Variants in NTN4 observed in about 807,000 individuals in gnomAD.
NTN4 encodes netrin-4.
A neutral mutation model predicts 73.6 loss-of-function variants in NTN4; 32 were observed. The observed-to-expected ratio is 0.44, with a 90% CI of 0.33 to 0.58. The LOEUF is 0.58. Among genes scored for constraint, NTN4 ranks in the 20% least tolerant of loss-of-function variants. The pLI is 0.04. For synonymous variants in NTN4, 258 were observed against 287.5 expected, an observed-to-expected ratio of 0.90 and a Z score of 1.04; for missense variants, 654 against 798.3, an observed-to-expected ratio of 0.82 and a Z score of 2.18.
chr12:95,728,498 C>G (rs2078711774), intron 3 of NTN4, among the ~76,000 whole-genome samples: 1 of 152,114 alleles, frequency 6.6e-6, no homozygotes, highest in African/African-American at 2.4e-5. Context: ...CCTTTTTATT[C>G]CTGGTGTGTT....
At chr12:95,700,951 C>T (rs760740490) in intron 5 of NTN4, among the ~76,000 whole-genome samples, 28 of 151,700 alleles carry the variant, frequency 1.8e-4, no homozygotes, top group Middle Eastern at 3.4e-3. Flanking sequence ...GTAGCTGGGA[C>T]TACAGGCGCC....
Position 95,752,836 on chromosome 12 carries a change from G to A in NTN4, c.586-14692C>T, listed in dbSNP as rs541481819. ...CAGCGGCTGCCGCTGCTTTAATACT[G>A]TTAGAGGCCCTAAAAATCACAAACT... On this transcript the variant is annotated intron_variant, in intron 2 of 9. Coordinates refer to ENST00000343702, the MANE Select transcript of NTN4 (RefSeq NM_021229.4). 4.8e-3 allele frequency among the ~76,000 whole-genome samples: 738 copies of A among 152,210 alleles called. 2 individuals are homozygous for A. The highest frequency in any genetic ancestry group is 7.6e-3 in the Non-Finnish European group (518 of 68,012).
chr12:95,710,785 C>T (rs2078559416), intron 4 of NTN4, among the ~76,000 whole-genome samples, 156 bp from the exon 5 acceptor site: 1 of 152,124 alleles, frequency 6.6e-6, no homozygotes, highest in Non-Finnish European at 1.5e-5. Context: ...AGGTGGATCA[C>T]CTGAGGCCAG....
Position 95,670,159 on chromosome 12 carries a change from A to T in NTN4, c.1511-13T>A, listed in dbSNP as rs373498064. On this transcript the variant is annotated splice_polypyrimidine_tract_variant and intron_variant, in intron 7 of 9. Transcript: ENST00000343702. ...CATTCGCATTTACCTATGGAAAGTA[A>T]ATTAAAAATGGTGTTAGTTATTAGA... The T allele has an allele frequency of 7.2e-6, 11 of 1,523,692 alleles. No homozygotes were observed. The highest frequency in any genetic ancestry group is 9.9e-6 in the Non-Finnish European group (11 of 1,114,386). The allele number at this position is 1,523,692 out of a possible 1,614,324, so 94.4% of individuals were successfully genotyped here.
chr12:95,667,327 A>T (rs2078189204), intron 8 of NTN4, among the ~76,000 whole-genome samples: 1 of 151,506 alleles, frequency 6.6e-6, no homozygotes, highest in Non-Finnish European at 1.5e-5. Context: ...AGTAGCTGGG[A>T]TTACAGGCCA....
intron 2 of NTN4, among the ~76,000 whole-genome samples, chr12:95,744,805 C>A (rs1051311172): frequency 3.4e-5 from 5 of 148,602 alleles, no homozygotes; most frequent in Non-Finnish European, 5.9e-5. Context: ...TGAAGGATTT[C>A]CTTCAATGCA....
intron 3 of NTN4, among the ~76,000 whole-genome samples, chr12:95,725,285 T>C (rs923712448): frequency 5.3e-5 from 8 of 152,120 alleles, no homozygotes; most frequent in African/African-American, 1.9e-4. Flanking sequence ...AAGTAGTGTT[T>C]GAGAATGAAG....
intron 2 of NTN4, among the ~76,000 whole-genome samples, chr12:95,757,585 G>A (rs191876035): frequency 2.0e-5 from 3 of 151,994 alleles, no homozygotes; most frequent in East Asian, 3.9e-4. Flanking sequence ...AGCCACGTGT[G>A]AGAGGCAAAG....
chr12:95,667,470 GCGT>G (rs1427393614), intron 8 of NTN4, among the ~76,000 whole-genome samples: 1 of 152,044 alleles, frequency 6.6e-6, no homozygotes, highest in Non-Finnish European at 1.5e-5. Context: ...TGCGAATACA[GCGT>G]CAGACAGCTA....
chr12:95,658,083 T>A lies in NTN4; in HGVS notation c.*1003A>T, dbSNP rs2078105622. 1 of 152,430 alleles carries A rather than the reference T, an allele frequency of 6.6e-6. No homozygotes were observed. Among genetic ancestry groups the A allele is most frequent in the African/African-American group, 2.4e-5 (1 of 41,452 alleles). 9.4% of individuals were successfully genotyped at this position (152,430 alleles called of 1,614,324 possible). A position where few individuals can be genotyped will look rare whatever the true frequency, so the allele number is the denominator to read the frequency against. ...AAAAACAGGTAAATATAATGACTATTACTGTTAAGAAAGACAAGGAGGAAA... is the reference window on the plus strand; with the variant it reads ...AAAAACAGGTAAATATAATGACTATAACTGTTAAGAAAGACAAGGAGGAAA... On this transcript the variant is annotated 3_prime_UTR_variant, in exon 10 of 10. Coordinates refer to ENST00000343702, the MANE Select transcript of NTN4 (RefSeq NM_021229.4).
intron 2 of NTN4, among the ~76,000 whole-genome samples, chr12:95,768,058 AGTT>A (rs1338915328): frequency 6.6e-6 from 1 of 152,210 alleles, no homozygotes. Context: ...AGCAATACAA[AGTT>A]GTTGTCAGTA....
At chr12:95,707,225 A>G (rs1436234501) in intron 5 of NTN4, among the ~76,000 whole-genome samples, 2 of 152,122 alleles carry the variant, frequency 1.3e-5, no homozygotes, top group Non-Finnish European at 2.9e-5. Flanking sequence ...TCATCAGTAC[A>G]TATTAGATTT....
At chr12:95,775,267 C>T (rs373989266) in intron 2 of NTN4, among the ~76,000 whole-genome samples, 7 of 152,170 alleles carry the variant, frequency 4.6e-5, no homozygotes, top group East Asian at 1.9e-4. Flanking sequence ...ACACAGAAGA[C>T]GGGTGATTTC....
intron 5 of NTN4, among the ~76,000 whole-genome samples, chr12:95,700,907 C>T (rs765193886): frequency 5.4e-5 from 8 of 148,708 alleles, no homozygotes; most frequent in Non-Finnish European, 1.0e-4. Context: ...TCTGCCTCCT[C>T]GGTTCAAGTG....
intron 2 of NTN4, among the ~76,000 whole-genome samples, chr12:95,753,401 T>C (rs1282559405): frequency 6.8e-6 from 1 of 147,394 alleles, no homozygotes; most frequent in African/African-American, 2.5e-5. Flanking sequence ...ACTCAACATG[T>C]CCCGAGTCAG....
At chr12:95,668,443 C>T (rs978969430) in intron 8 of NTN4, among the ~76,000 whole-genome samples, 1 of 146,058 alleles carries the variant, frequency 6.8e-6, no homozygotes, top group East Asian at 2.3e-4. Context: ...CTCTAAACTG[C>T]CTTTCCTTTA....
intron 5 of NTN4, among the ~76,000 whole-genome samples, chr12:95,701,520 C>T (rs2078484674): frequency 6.6e-6 from 1 of 152,066 alleles, no homozygotes; most frequent in Non-Finnish European, 1.5e-5. Context: ...GATTTCTTGG[C>T]ATGGTAATGT....
At chr12:95,759,542 C>T (rs2078971432) in intron 2 of NTN4, among the ~76,000 whole-genome samples, 1 of 145,906 alleles carries the variant, frequency 6.9e-6, no homozygotes, top group Admixed American at 6.9e-5. Context: ...CTCACTGCAA[C>T]CTCTGTCTCC....
chr12:95,778,539 C>T lies in NTN4; in HGVS notation c.585+8400G>A, dbSNP rs144963123. On this transcript the variant is annotated intron_variant, in intron 2 of 9. Transcript: ENST00000343702. The stretch of plus-strand genomic sequence containing the variant: ...TCAGAGAATACTATAAACACCTCTA[C>T]GGAAATAAAAGAGAAAATCTAGAAG... 3.0e-4 allele frequency among the ~76,000 whole-genome samples: 46 copies of T among 152,242 alleles called. No individual in the cohort carries two copies. The East Asian group carries it at 8.5e-3, about 28-fold the overall frequency.
Sources: gnomAD v4.1 joint callset for allele counts (sites outside exome capture counted in the v4.1 genomes callset) on GRCh38, gnomAD v4.1.1 for gene constraint, MANE v1.5 for transcripts, NCBI Gene and HGNC (gene_info 2026-07-23, HGNC 2026-07-21) for gene names.